ANK2: variants seen among roughly 807,000 people sequenced by gnomAD.
ANK2 encodes ankyrin-2.
A neutral mutation model predicts 360.5 loss-of-function variants in ANK2; 83 were observed. That is an observed-to-expected ratio of 0.23 (90% CI 0.19 to 0.28). The LOEUF (loss-of-function observed/expected upper bound fraction) is 0.28, where lower values mean the gene tolerates loss of function less well. Among genes scored for constraint, ANK2 ranks in the 10% least tolerant of loss-of-function variants. The pLI is 1.00. For missense variants in ANK2, 4,201 were observed against 4,795.7 expected (o/e 0.88, Z 3.66); for synonymous variants, 1,740 against 1,759.5 (o/e 0.99, Z 0.28).
At chr4:113,182,004 G>A (rs367953037) in intron 2 of ANK2, among the ~76,000 whole-genome samples, 1 of 152,146 alleles carries the variant, frequency 6.6e-6, no homozygotes, top group African/African-American at 2.4e-5. Flanking sequence ...GGGAACAAGG[G>A]CAGAAGCAGG....
intron 1 of ANK2, among the ~76,000 whole-genome samples, chr4:112,822,239 A>G (rs1416362401): frequency 9.7e-6 from 1 of 103,556 alleles, no homozygotes; most frequent in Non-Finnish European, 1.9e-5. Flanking sequence ...TGTCTCTACT[A>G]AAAAAAAAAA....
chr4:112,754,148 T>TATATATATATAA, the ANK2 span, among the ~76,000 whole-genome samples: 7 of 119,730 alleles, frequency 5.8e-5, no homozygotes, highest in African/African-American at 2.2e-4. Flanking sequence ...TATATATATA[T>TATATATATATAA]AAAATTGCAT....
chr4:112,810,151 ATATATATAT>A, the ANK2 span, among the ~76,000 whole-genome samples: 4 of 26,292 alleles, frequency 1.5e-4, no homozygotes, highest in Admixed American at 6.6e-4. Flanking sequence ...ATATATATAT[ATATATATAT>A]TTTTTTTTTT....
At chr4:113,186,560 GTCTCTC>G (rs932864935) in intron 2 of ANK2, among the ~76,000 whole-genome samples, 3 of 71,642 alleles carry the variant, frequency 4.2e-5, no homozygotes, top group African/African-American at 9.7e-5. Flanking sequence ...ATCTTCCCGT[GTCTCTC>G]TCTCTCTCTC....
intron 1 of ANK2, among the ~76,000 whole-genome samples, chr4:112,833,617 G>C (rs951520721): frequency 5.3e-5 from 8 of 150,668 alleles, no homozygotes; most frequent in Non-Finnish European, 1.2e-4. Flanking sequence ...CATTCTCCTT[G>C]CTCAGCCTCC....
chr4:112,975,889 G>C (rs534259353), intron 2 of ANK2, among the ~76,000 whole-genome samples: 9 of 152,122 alleles, frequency 5.9e-5, no homozygotes, highest in Non-Finnish European at 1.5e-5. Flanking sequence ...CTATGGGTAC[G>C]TTTGGATATG....
At chr4:113,218,012 T>C (rs2099106273) in intron 4 of ANK2, among the ~76,000 whole-genome samples, 1 of 152,198 alleles carries the variant, frequency 6.6e-6, no homozygotes, top group Admixed American at 6.5e-5. Flanking sequence ...GCCTAGCAGC[T>C]TTTAAAGACC....
intron 2 of ANK2, among the ~76,000 whole-genome samples, chr4:112,944,295 A>G (rs1008234944): frequency 6.6e-6 from 1 of 152,212 alleles, no homozygotes; most frequent in Non-Finnish European, 1.5e-5. Context: ...ACTATGGTAC[A>G]TGTATTTTCA....
At position 113,356,829 on chromosome 4, in the gene ANK2, A is replaced by G; in HGVS notation, c.8211A>G (p.Lys2737=). 6.2e-7 allele frequency: 1 copy of G among 1,614,088 alleles called. No individual in the cohort carries two copies. Among genetic ancestry groups the G allele is most frequent in the Non-Finnish European group, 8.5e-7 (1 of 1,179,972 alleles). ...QEEPGKSEEE[K]DSESHLAEDR... ...AGCCAGGCAAATCAGAAGAAGAAAA[A>G]GATTCTGAATCCCATTTAGCTGAAG... Residue 2737 remains lysine, a synonymous_variant, in exon 38 of 46, where the codon AAA becomes AAG. Coordinates refer to ENST00000357077, the MANE Select transcript of ANK2 (RefSeq NM_001148.6).
Position 113,367,751 on chromosome 4 carries a change from C to T in ANK2, c.11218C>T (p.Leu3740Phe), listed in dbSNP as rs35530544. The stretch of plus-strand genomic sequence containing the variant: ...TGAGGGGGACAGCTCAGCAACAGCA[C>T]TCTTTCCCCAAACTCACAAGGAGCA... ...KTEGDSSATA[L>F]FPQTHKEQVQ... The change falls in exon 42 of 46, where the codon CTC becomes TTC. Residue 3740 changes from leucine (L) to phenylalanine (F), a missense_variant. Transcript: ENST00000357077. 1.2e-6 allele frequency: 2 copies of T among 1,614,058 alleles called. No individual in the cohort carries two copies. Among genetic ancestry groups the T allele is most frequent in the African/African-American group, 1.3e-5 (1 of 75,000 alleles).
chr4:113,210,338 A>G (rs966678146), intron 4 of ANK2, among the ~76,000 whole-genome samples: 5 of 152,238 alleles, frequency 3.3e-5, no homozygotes, highest in Admixed American at 2.6e-4. Context: ...AGAAAATAAG[A>G]TGAAGAAAAT....
chr4:112,870,750 T>A (rs2072675513), intron 1 of ANK2, among the ~76,000 whole-genome samples: 1 of 152,248 alleles, frequency 6.6e-6, no homozygotes, highest in Admixed American at 6.5e-5. Context: ...GTTCTTCTTT[T>A]TCAAGATTAT....
chr4:113,087,163 T>A (rs1264227122), intron 1 of ANK2, among the ~76,000 whole-genome samples: 2 of 152,180 alleles, frequency 1.3e-5, no homozygotes, highest in Non-Finnish European at 2.9e-5. Context: ...GAGATGATGA[T>A]GCCGAAATGG....
At chr4:112,788,374 C>A in the ANK2 span, 8 of 1,565,912 alleles carry the variant, frequency 5.1e-6, no homozygotes, top group Non-Finnish European at 6.9e-6. Context: ...ATAGGGCAGG[C>A]AAGAAGACAG....
intron 26 of ANK2, among the ~76,000 whole-genome samples, chr4:113,329,463 C>T (rs1388714429): frequency 5.3e-5 from 8 of 152,152 alleles, no homozygotes; most frequent in African/African-American, 1.4e-4. Flanking sequence ...TAATTTTTTA[C>T]ATTCAATTTA....
chr4:113,315,894 C>T (rs1005715269), intron 24 of ANK2, among the ~76,000 whole-genome samples: 2 of 94,520 alleles, frequency 2.1e-5, no homozygotes, highest in Non-Finnish European at 3.8e-5. Flanking sequence ...GAGACTCCGT[C>T]TCAAAAAAAA....
intron 2 of ANK2, among the ~76,000 whole-genome samples, chr4:113,031,891 T>G (rs568784593): frequency 6.6e-6 from 1 of 151,978 alleles, no homozygotes; most frequent in African/African-American, 2.4e-5. Context: ...TTTTTTTCCA[T>G]CTTTTTCTTT....
At chr4:113,048,246 G>GTATATATATA (rs1561687336), upstream of ANK2, among the ~76,000 whole-genome samples, 18 of 54,608 alleles carry the variant, frequency 3.3e-4, no homozygotes, top group African/African-American at 1.3e-3. Context: ...ATCTACAAGT[G>GTATATATATA]TGTATATATA....
chr4:112,962,324 C>G (rs1172078885), intron 2 of ANK2, among the ~76,000 whole-genome samples: 1 of 152,098 alleles, frequency 6.6e-6, no homozygotes, highest in African/African-American at 2.4e-5. Flanking sequence ...TGCTGATTCA[C>G]TTAGGATTAT....
Sources: gnomAD v4.1 joint callset for allele counts (sites outside exome capture counted in the v4.1 genomes callset) on GRCh38, gnomAD v4.1.1 for gene constraint, MANE v1.5 for transcripts, NCBI Gene and HGNC (gene_info 2026-07-23, HGNC 2026-07-21) for gene names.